Variants in NEURL1 observed in about 807,000 individuals in gnomAD.
NEURL1 encodes E3 ubiquitin-protein ligase NEURL1.
In NEURL1, 26 loss-of-function variants were observed where a neutral mutation model predicts 41.2. The observed-to-expected ratio is 0.63, with a 90% confidence interval of 0.46 to 0.87. NEURL1 has a LOEUF of 0.87. Among genes scored for constraint, NEURL1 ranks in the 40% least tolerant of loss-of-function variants. The pLI, the probability that NEURL1 is intolerant of heterozygous loss-of-function variation, is 0.00. For synonymous variants in NEURL1, 400 were observed against 402.3 expected (o/e 0.99, Z 0.07); for missense variants, 761 against 871.1 (o/e 0.87, Z 1.59).
At chr10:103,505,048 C>CT (rs35244731) in intron 1 of NEURL1, among the ~76,000 whole-genome samples, 109,302 of 139,486 alleles carry the variant, frequency 0.78, 43,576 homozygotes, top group South Asian at 0.88. Flanking sequence ...TCTCCTGTAT[C>CT]TTTTTTTTTT....
intron 3 of NEURL1, among the ~76,000 whole-genome samples, chr10:103,580,408 G>C (rs2035761605): frequency 6.6e-6 from 1 of 152,212 alleles, no homozygotes; most frequent in Admixed American, 6.5e-5. Flanking sequence ...TGCTTGGGGT[G>C]AGAGGTTGCC....
chr10:103,584,789 C>T lies in NEURL1; in HGVS notation c.903C>T (p.Ala301=), dbSNP rs772916380. 7.1e-7 allele frequency: 1 copy of T among 1,408,242 alleles called. No homozygotes were observed. The highest frequency in any genetic ancestry group is 9.3e-7 in the Non-Finnish European group (1 of 1,078,788). 87.2% of individuals were successfully genotyped at this position (1,408,242 alleles called of 1,614,324 possible). ...ACCTGCGTTTCCACGCCCTGCGCGC[C>T]GGCGCGCACGTCCGCATCCTCGACG... is the stretch of plus-strand genomic sequence containing the variant. ...DGDLRFHALR[A]GAHVRILDEQ... is the part of the protein sequence containing the mutation. Residue 301 remains alanine (A), a synonymous_variant, in exon 4 of 6, where the codon GCC becomes GCT. Coordinates refer to ENST00000369780, the MANE Select transcript of NEURL1 (RefSeq NM_004210.5).
At chr10:103,559,390 G>C (rs375386511) in intron 1 of NEURL1, among the ~76,000 whole-genome samples, 1 of 152,174 alleles carries the variant, frequency 6.6e-6, no homozygotes, top group Non-Finnish European at 1.5e-5. Flanking sequence ...GCAGATGCTG[G>C]GTCAGTGGGT....
chr10:103,533,543 A>AT (rs1245619011), intron 1 of NEURL1, among the ~76,000 whole-genome samples: 3,493 of 117,026 alleles, frequency 0.03, 141 homozygotes, highest in African/African-American at 0.1. Context: ...CTAATTTTGT[A>AT]TTTTTTTTTT....
In NEURL1 at chr10:103,556,068, G is replaced by A. The variant is rs1338806135; in HGVS notation, c.86-14804G>A. Among the ~76,000 whole-genome samples the A allele has an allele frequency of 2.0e-5, 3 of 152,250 alleles. No individual in the cohort carries two copies. Among genetic ancestry groups the A allele is most frequent in the African/African-American group, 4.8e-5 (2 of 41,472 alleles). ...CGCCTGACCTCGCTTCTCCAAGTGT[G>A]TGCTCTGTGGGGGAGGCCAGAGAAC... On this transcript the variant is annotated intron_variant, in intron 1 of 5. Coordinates refer to ENST00000369780, the MANE Select transcript of NEURL1 (RefSeq NM_004210.5). This position sits in a 1 kb window ranked among gnomAD's most constrained non-coding sequence, Gnocchi z 4.4.
intron 3 of NEURL1, among the ~76,000 whole-genome samples, chr10:103,579,138 C>T (rs1029881544): frequency 2.6e-5 from 4 of 152,224 alleles, no homozygotes; most frequent in Admixed American, 6.5e-5. Context: ...ATGGCAGGGC[C>T]GGGTGGCTTT....
At position 103,559,390 on chromosome 10, in the gene NEURL1, G is replaced by T. The variant is rs375386511; in HGVS notation, c.86-11482G>T. Among the ~76,000 whole-genome samples the T allele has an allele frequency of 1.8e-3, 273 of 152,292 alleles. 1 individual carries two copies. The highest frequency in any genetic ancestry group is 2.7e-3 in the Non-Finnish European group (186 of 68,022). On this transcript the variant is annotated intron_variant, in intron 1 of 5. Coordinates refer to ENST00000369780, the MANE Select transcript of NEURL1 (RefSeq NM_004210.5). Reference sequence around the variant, plus strand: ...ACACAGTGGCTCCCAGCAGATGCTGGGTCAGTGGGTAGCGGGGAAGAGTGT... The same window carrying T: ...ACACAGTGGCTCCCAGCAGATGCTGTGTCAGTGGGTAGCGGGGAAGAGTGT...
chr10:103,539,981 A>C (rs1368022689), intron 1 of NEURL1, among the ~76,000 whole-genome samples: 2 of 152,238 alleles, frequency 1.3e-5, no homozygotes, highest in Non-Finnish European at 2.9e-5. Flanking sequence ...TGTTATGTGG[A>C]AGATGGCGTA....
At chr10:103,495,855 C>A (rs748961505) in intron 1 of NEURL1, among the ~76,000 whole-genome samples, 16 of 152,158 alleles carry the variant, frequency 1.1e-4, no homozygotes, top group Non-Finnish European at 2.2e-4. Context: ...CGCCTGTAAT[C>A]CGAGCACTTT....
intron 1 of NEURL1, among the ~76,000 whole-genome samples, chr10:103,551,929 C>T (rs1255459144): frequency 6.6e-6 from 1 of 152,198 alleles, no homozygotes; most frequent in African/African-American, 2.4e-5. Flanking sequence ...GAAGGACTTC[C>T]AGCTCGTGGA....
chr10:103,515,360 CGCACA>C (rs2034181001), intron 1 of NEURL1: 1 of 151,738 alleles, frequency 6.6e-6, no homozygotes, highest in Non-Finnish European at 1.5e-5. Context: ...TCACAGGAAA[CGCACA>C]GCTGGGACGT....
At chr10:103,531,627 G>A (rs1038371136) in intron 1 of NEURL1, among the ~76,000 whole-genome samples, 4 of 151,566 alleles carry the variant, frequency 2.6e-5, no homozygotes, top group African/African-American at 4.9e-5. Flanking sequence ...CAAACTCCTT[G>A]GGCTCAAGTG....
At chr10:103,519,766 G>GTTTT (rs56157306) in intron 1 of NEURL1, among the ~76,000 whole-genome samples, 2 of 150,262 alleles carry the variant, frequency 1.3e-5, no homozygotes, top group Admixed American at 6.6e-5. Context: ...ACCAGCAATA[G>GTTTT]TTTTTTGTTG....
At position 103,584,760 on chromosome 10, in the gene NEURL1, G is replaced by C. The variant is rs770177521; in HGVS notation, c.874G>C (p.Gly292Arg). 2.1e-6 allele frequency: 3 copies of C among 1,456,002 alleles called. No individual in the cohort carries two copies. Among genetic ancestry groups the C allele is most frequent in the East Asian group, 3.0e-5 (1 of 33,030 alleles). 90.2% of individuals were successfully genotyped at this position (1,456,002 alleles called of 1,614,324 possible). Reference protein sequence around the residue: ...HSRALPAQLDGDLRFHALRAG... With the variant: ...HSRALPAQLDRDLRFHALRAG... ...CCGCGCGCTGCCGGCGCAGCTCGACGGCGACCTGCGTTTCCACGCCCTGCG... is the reference window on the plus strand; with the variant it reads ...CCGCGCGCTGCCGGCGCAGCTCGACCGCGACCTGCGTTTCCACGCCCTGCG... Residue 292 changes from glycine (G) to arginine (R), a missense_variant, in exon 4 of 6, where the codon GGC becomes CGC. Physicochemically the swap from Gly to Arg is moderately radical, Grantham distance 125. Around this residue, in one of 5 missense-constraint regions of NEURL1, gnomAD observed 443 missense variants for 408.1 expected, o/e 1.09. Transcript: ENST00000369780.
At chr10:103,510,990 T>G (rs946250434) in intron 1 of NEURL1, among the ~76,000 whole-genome samples, 6 of 152,178 alleles carry the variant, frequency 3.9e-5, no homozygotes, top group African/African-American at 1.4e-4. Context: ...CCATTGCCAG[T>G]GGGCCTTGAA....
rs555745271 is a variant in NEURL1 at position 103,538,154 on chromosome 10, G to T, written c.86-32718G>T. On this transcript the variant is annotated intron_variant, in intron 1 of 5. Coordinates refer to ENST00000369780, the MANE Select transcript of NEURL1 (RefSeq NM_004210.5). ...CTGTCGCCTAGGCTGGAGTGCAGTG[G>T]CATGATCTCAGCTCACTGCAACCTC... 2.0e-5 allele frequency among the ~76,000 whole-genome samples: 3 copies of T among 152,084 alleles called. No individual in the cohort carries two copies. The South Asian group carries it at 6.3e-4, about 32-fold the overall frequency.
rs538644229 is a variant in NEURL1 at position 103,533,697 on chromosome 10, C to A, written c.86-37175C>A. Reference sequence around the variant, plus strand: ...GACTACAGGCGCCCGCCATCACACCCGGCTAATTTTTTGTATTTTTAGTAG... The same window carrying A: ...GACTACAGGCGCCCGCCATCACACCAGGCTAATTTTTTGTATTTTTAGTAG... On this transcript the variant is annotated intron_variant, in intron 1 of 5. Coordinates refer to ENST00000369780, the MANE Select transcript of NEURL1 (RefSeq NM_004210.5). 7.9e-5 allele frequency among the ~76,000 whole-genome samples: 12 copies of A among 152,264 alleles called. No homozygotes were observed. In the East Asian group the frequency reaches 1.2e-3, roughly 15 times the overall value.
chr10:103,565,985 A>G (rs1321175395), intron 1 of NEURL1, among the ~76,000 whole-genome samples: 1 of 152,168 alleles, frequency 6.6e-6, no homozygotes, highest in African/African-American at 2.4e-5. Context: ...TATAATATGT[A>G]TATAGTAAAA....
intron 1 of NEURL1, among the ~76,000 whole-genome samples, chr10:103,530,406 A>G (rs957017289): frequency 2.6e-5 from 4 of 151,896 alleles, no homozygotes; most frequent in African/African-American, 9.7e-5. Context: ...AGACATTTTT[A>G]AATTTTCTTC....
Sources: allele counts gnomAD v4.1 joint callset (sites outside exome capture counted in the v4.1 genomes callset), GRCh38; gene constraint gnomAD v4.1.1; regional missense constraint gnomAD v4.1.1; non-coding constraint Gnocchi (gnomAD v3.1); transcripts MANE v1.5; gene names NCBI Gene and HGNC (gene_info 2026-07-23, HGNC 2026-07-21).